Variants in FBN3 observed in about 807,000 individuals in gnomAD.
FBN3 encodes the protein fibrillin-3.
Under a neutral mutation model 330.1 loss-of-function variants are expected in FBN3, and 234 were observed. The ratio of observed to expected loss-of-function variants is 0.71; its 90% CI spans 0.64 to 0.79. The LOEUF (loss-of-function observed/expected upper bound fraction) is 0.79, where lower values mean the gene tolerates loss of function less well. FBN3 is among the 30% of genes least tolerant of loss of function. The pLI, the probability that FBN3 is intolerant of heterozygous loss-of-function variation, is 0.00. For synonymous variants in FBN3, 1,458 were observed against 1,517.3 expected, an observed-to-expected ratio of 0.96 and a Z score of 0.91; for missense variants, 3,606 against 3,886.9, an observed-to-expected ratio of 0.93 and a Z score of 1.92.
intron 48 of FBN3, among the ~76,000 whole-genome samples, chr19:8,090,484 G>T (rs375330401): frequency 2.1e-5 from 2 of 94,088 alleles, no homozygotes; most frequent in East Asian, 2.1e-4. Context: ...GGTGGTGGTG[G>T]TGGTTTTTTT....
chr19:8,114,226 G>C (rs1945088717), intron 30 of FBN3, among the ~76,000 whole-genome samples: 1 of 148,972 alleles, frequency 6.7e-6, no homozygotes. Context: ...ATTCTAGAAG[G>C]AGAATCAATT....
intron 13 of FBN3, 25 bp downstream of exon 13, chr19:8,135,936 G>GCT: frequency 9.0e-6 from 6 of 668,772 alleles, no homozygotes; most frequent in South Asian, 4.9e-5. Context: ...GGAAGCCCCT[G>GCT]CCCACCCGCC....
chr19:8,093,399 A>G (rs1283815237), intron 47 of FBN3, among the ~76,000 whole-genome samples: 5 of 152,108 alleles, frequency 3.3e-5, no homozygotes, highest in Admixed American at 6.5e-5. Flanking sequence ...CAAGGCGGGC[A>G]GATCACGAGG....
intron 10 of FBN3, among the ~76,000 whole-genome samples, chr19:8,137,259 AGATCCCTCCAACCTGGGACCTG>A (rs2083309633): frequency 2.8e-5 from 4 of 142,998 alleles, no homozygotes; most frequent in Middle Eastern, 4.8e-3. Flanking sequence ...CCTGAAGCCT[AGATCCCTCCAACCTGGGACCTG>A]GATCCCTCCA....
Position 8,126,831 on chromosome 19 carries a change from A to C in FBN3, c.2298T>G (p.Asp766Glu). 6.4e-7 allele frequency: 1 copy of C among 1,550,818 alleles called. No homozygotes were observed. Among genetic ancestry groups the C allele is most frequent in the Non-Finnish European group, 8.7e-7 (1 of 1,151,638 alleles). Residue 766 changes from aspartate (D) to glutamate (E), a missense_variant and splice_region_variant, in exon 19 of 64, where the codon GAT (aspartate) becomes GAG (glutamate). Asp to Glu is a conservative substitution (Grantham distance 45, BLOSUM62 2). Coordinates refer to ENST00000600128, the MANE Select transcript of FBN3 (RefSeq NM_032447.5). ...ACGGGCTGGACAGGCATTCGTCGACATCTGTGGGGACAGCCCCCCACCAGG... is the reference window on the plus strand; with the variant it reads ...ACGGGCTGGACAGGCATTCGTCGACCTCTGTGGGGACAGCCCCCCACCAGG... ...HFWQDTEICK[D>E]VDECLSSPCV...
rs1244958814 is a variant in FBN3 at position 8,109,141 on chromosome 19, C to A, written c.4618+86G>T. ...GTTTTCCTGTCGCCTAAGCCCCCCA[C>A]CACCGCCATTAGCAGAGGTGACCCC... On this transcript the variant is annotated intron_variant, in intron 36 of 63. Coordinates refer to ENST00000600128, the MANE Select transcript of FBN3 (RefSeq NM_032447.5). This position sits in a 1 kb window ranked among gnomAD's most constrained non-coding sequence, Gnocchi z 5.2. 1.8e-5 allele frequency: 24 copies of A among 1,356,504 alleles called. 1 individual carries two copies. The highest frequency in any genetic ancestry group is 2.1e-5 in the Non-Finnish European group (21 of 987,760). 84.0% of individuals were successfully genotyped at this position (1,356,504 alleles called of 1,614,324 possible). A position where few individuals can be genotyped will look rare whatever the true frequency, so the allele number is the denominator to read the frequency against.
chr19:8,121,236 C>A lies in FBN3; in HGVS notation c.3211+22G>T. 6.3e-7 allele frequency: 1 copy of A among 1,575,560 alleles called. No homozygotes were observed. Among genetic ancestry groups the A allele is most frequent in the East Asian group, 2.3e-5 (1 of 44,050 alleles). ...CTCCCTGCCCAGGGCGCCCACCACACCCCTGCCCGGCAGTCACCGACCCAT... is the reference window on the plus strand; with the variant it reads ...CTCCCTGCCCAGGGCGCCCACCACAACCCTGCCCGGCAGTCACCGACCCAT... On this transcript the variant is annotated intron_variant, in intron 25 of 63. Coordinates refer to ENST00000600128, the MANE Select transcript of FBN3 (RefSeq NM_032447.5). The surrounding 1 kb of genome is among the most constrained non-coding windows in gnomAD (Gnocchi z 4.5).
chr19:8,126,539 G>A lies in FBN3; in HGVS notation c.2483C>T (p.Ala828Val), dbSNP rs1241338186. Residue 828 changes from alanine (A) to valine (V), a missense_variant, in exon 20 of 64, where the codon GCC (alanine) becomes GTC (valine). Ala to Val is a moderately conservative substitution (Grantham distance 64). Transcript: ENST00000600128. The part of the protein sequence containing the change: ...ESRCEVNLQG[A>V]SLRSECCATL... The stretch of plus-strand genomic sequence containing the variant: ...GGCGCAGCACTCAGACCGCAGGCTG[G>A]CTCCCTGAAGGTTCACCTCACAGCG... The A allele has an allele frequency of 1.2e-6, 2 of 1,612,930 alleles. No individual in the cohort carries two copies. Among genetic ancestry groups the A allele is most frequent in the Non-Finnish European group, 1.7e-6 (2 of 1,179,936 alleles).
At position 8,121,454 on chromosome 19, in the gene FBN3, G is replaced by A. The variant is rs980348116; in HGVS notation, c.3083-68C>T. 4.8e-6 allele frequency: 7 copies of A among 1,450,766 alleles called. No individual in the cohort carries two copies. The highest frequency in any genetic ancestry group is 2.8e-6 in the Non-Finnish European group (3 of 1,085,876). 89.9% of individuals were successfully genotyped at this position (1,450,766 alleles called of 1,614,324 possible). On this transcript the variant is annotated intron_variant, in intron 24 of 63. Coordinates refer to ENST00000600128, the MANE Select transcript of FBN3 (RefSeq NM_032447.5). This position sits in a 1 kb window ranked among gnomAD's most constrained non-coding sequence, Gnocchi z 4.5. ...GCATCATGGGGCACGAGGCAGGGGG[G>A]TCCCTGTCCTTTGATGGAGGTGTGG...
chr19:8,065,899 C>T lies in FBN3; in HGVS notation c.*20G>A, dbSNP rs2081377887. 1.3e-6 allele frequency: 2 copies of T among 1,529,420 alleles called. No individual in the cohort carries two copies. The highest frequency in any genetic ancestry group is 2.8e-5 in the African/African-American group (2 of 72,724). The allele number at this position is 1,529,420 out of a possible 1,614,324, so 94.7% of individuals were successfully genotyped here. On this transcript the variant is annotated 3_prime_UTR_variant, in exon 64 of 64. Transcript: ENST00000600128. The stretch of plus-strand genomic sequence containing the variant: ...ATCCCCCTTCTCTGGACAGCTGGGG[C>T]CCACTGAGGCTCCTCCCAACTAAAG...
intron 13 of FBN3, 26 bp downstream of exon 13, chr19:8,135,935 T>TGGGGGGGGGGGGGGGGGGGGCCCC: frequency 7.4e-7 from 1 of 1,344,156 alleles, no homozygotes; most frequent in African/African-American, 1.5e-5. Context: ...CGGAAGCCCC[T>TGGGGGGGGGGGGGGGGGGGGCCCC]GCCCACCCGC....
intron 3 of FBN3, 58 bp downstream of exon 3, chr19:8,147,046 G>T (rs994003538): frequency 1.5e-5 from 22 of 1,446,168 alleles, no homozygotes; most frequent in Admixed American, 2.0e-5. Context: ...GAACCTGCAG[G>T]CAGGTAAGAG....
chr19:8,109,525 G>A lies in FBN3; in HGVS notation c.4456+106C>T. ...GACCAGCAGATGTCCCGTTTGTCAG[G>A]AGCAGGTAGATTTGAACACGTTGAC... On this transcript the variant is annotated intron_variant, in intron 35 of 63. Coordinates refer to ENST00000600128, the MANE Select transcript of FBN3 (RefSeq NM_032447.5). The surrounding 1 kb of genome is among the most constrained non-coding windows in gnomAD (Gnocchi z 5.2). 12 of 1,537,810 alleles carry A rather than the reference G, an allele frequency of 7.8e-6. No individual in the cohort carries two copies. Among genetic ancestry groups the A allele is most frequent in the Non-Finnish European group, 1.1e-5 (12 of 1,130,104 alleles).
In FBN3 at chr19:8,116,773, G is replaced by A. The variant is rs141914709; in HGVS notation, c.3613C>T (p.Arg1205Cys). 91 of 1,614,022 alleles carry A rather than the reference G, an allele frequency of 5.6e-5. 1 individual carries two copies. In the African/African-American group the frequency reaches 9.3e-4, roughly 17 times the overall value. Reference protein sequence around the residue: ...ADVDECEENPRVCDQGHCTNM... With the variant: ...ADVDECEENPCVCDQGHCTNM... ...GTGCAGTGGCCTTGGTCACAAACGC[G>A]GGGGTTCTCTTCACACTCGTCCACG... The change falls in exon 29 of 64, where the codon CGC (arginine) becomes TGC (cysteine). Residue 1205 changes from arginine (R) to cysteine (C), a missense_variant. Coordinates refer to ENST00000600128, the MANE Select transcript of FBN3 (RefSeq NM_032447.5).
chr19:8,101,130 A>G (rs1376063600), intron 40 of FBN3, among the ~76,000 whole-genome samples, 158 bp from the exon 41 acceptor site: 7 of 151,794 alleles, frequency 4.6e-5, no homozygotes. Flanking sequence ...CACTTATTTA[A>G]TTTAATTTTT....
At chr19:8,082,809 T>C (rs530996737) in intron 57 of FBN3, among the ~76,000 whole-genome samples, 13 of 151,840 alleles carry the variant, frequency 8.6e-5, no homozygotes, top group African/African-American at 3.1e-4. Context: ...TTTTTTTTCT[T>C]TCTTTCTTTT....
intron 50 of FBN3, 50 bp from the exon 51 acceptor site, chr19:8,089,720 C>G: frequency 1.9e-6 from 3 of 1,606,754 alleles, no homozygotes; most frequent in Non-Finnish European, 2.6e-6. Context: ...ACACAATCGC[C>G]AGAGCCCTGG....
chr19:8,123,425 A>G lies in FBN3; in HGVS notation c.3082+39T>C, dbSNP rs199838143. Reference sequence around the variant, plus strand: ...TTATTTGAGGCCCCTATCCCTGCCAAGGATCACGCTCTCTCCAAGAGGCAG... The same window carrying G: ...TTATTTGAGGCCCCTATCCCTGCCAGGGATCACGCTCTCTCCAAGAGGCAG... On this transcript the variant is annotated intron_variant, in intron 24 of 63. Coordinates refer to ENST00000600128, the MANE Select transcript of FBN3 (RefSeq NM_032447.5). 5.0e-6 allele frequency: 8 copies of G among 1,599,788 alleles called. No homozygotes were observed. The East Asian group carries it at 1.4e-4, about 27-fold the overall frequency.
intron 38 of FBN3, among the ~76,000 whole-genome samples, chr19:8,104,419 T>A (rs2082395036): frequency 6.7e-6 from 1 of 150,132 alleles, no homozygotes. Flanking sequence ...TACAGCAAGC[T>A]GTGATTACAC....
Sources: gnomAD v4.1 joint callset for allele counts (sites outside exome capture counted in the v4.1 genomes callset) on GRCh38, gnomAD v4.1.1 for gene constraint, Gnocchi (gnomAD v3.1) non-coding constraint, MANE v1.5 for transcripts, NCBI Gene and HGNC (gene_info 2026-07-23, HGNC 2026-07-21) for gene names.